SPATA13: variants seen among roughly 807,000 people sequenced by gnomAD.
The protein encoded by SPATA13 is spermatogenesis associated 13, also known as spermatogenesis-associated protein 13.
SPATA13 carries 50 observed loss-of-function variants against 104.0 expected under a neutral mutation model. That is an observed-to-expected ratio of 0.48 (90% CI 0.38 to 0.61). The LOEUF (loss-of-function observed/expected upper bound fraction) is 0.61. SPATA13 is among the 20% of genes least tolerant of loss of function. SPATA13 has a pLI of 0.00. For missense variants in SPATA13, 1,524 were observed against 1,690.6 expected, an observed-to-expected ratio of 0.90 and a Z score of 1.73; for synonymous variants, 606 against 667.5, an observed-to-expected ratio of 0.91 and a Z score of 1.42.
At chr13:24,024,014 G>A (rs531537060) in intron 3 of SPATA13, among the ~76,000 whole-genome samples, 2 of 152,340 alleles carry the variant, frequency 1.3e-5, no homozygotes, top group East Asian at 1.9e-4. Context: ...AGTCCATGAC[G>A]GTGGTGAATA....
chr13:24,057,284 C>A (rs539485150), intron 3 of SPATA13, among the ~76,000 whole-genome samples: 39 of 149,772 alleles, frequency 2.6e-4, no homozygotes, highest in African/African-American at 8.8e-4. Context: ...AATGGAACTT[C>A]TTAATCTCGG....
intron 3 of SPATA13, among the ~76,000 whole-genome samples, chr13:24,054,307 C>T (rs912981238): frequency 6.6e-6 from 1 of 152,206 alleles, no homozygotes; most frequent in Admixed American, 6.5e-5. Flanking sequence ...AATCCATCTG[C>T]AGCCATCTTA....
intron 3 of SPATA13, among the ~76,000 whole-genome samples, chr13:24,053,226 G>C (rs1334586971): frequency 6.6e-6 from 1 of 152,148 alleles, no homozygotes; most frequent in Non-Finnish European, 1.5e-5. Context: ...TCTTGCAGGA[G>C]GTAAGTTAGC....
chr13:24,232,807 C>T (rs1872354122), intron 2 of SPATA13, among the ~76,000 whole-genome samples: 2 of 152,200 alleles, frequency 1.3e-5, no homozygotes, highest in Admixed American at 1.3e-4. Context: ...CCTCGGCCTC[C>T]CGGAGTGCTG....
intron 3 of SPATA13, among the ~76,000 whole-genome samples, chr13:24,089,221 T>A (rs1204411798): frequency 6.6e-6 from 1 of 152,210 alleles, no homozygotes; most frequent in Non-Finnish European, 1.5e-5. Flanking sequence ...GATTTTTGAA[T>A]GCCCATGCCG....
intron 3 of SPATA13, among the ~76,000 whole-genome samples, chr13:24,115,283 G>A (rs1880796878): frequency 6.6e-6 from 1 of 152,202 alleles, no homozygotes; most frequent in African/African-American, 2.4e-5. Flanking sequence ...ATGACCAACT[G>A]CTGCATAACA....
exon 2 of SPATA13, chr13:23,983,752 C>T (rs1875017221): frequency 7.4e-6 from 2 of 268,860 alleles, no homozygotes; most frequent in African/African-American, 2.3e-5. Context: ...TTGTCAAGCT[C>T]TGACAAGGGA....
intron 1 of SPATA13, among the ~76,000 whole-genome samples, chr13:24,198,035 G>A (rs750557671): frequency 1.3e-5 from 2 of 151,918 alleles, no homozygotes; most frequent in African/African-American, 4.8e-5. Flanking sequence ...TAGTTCTGTC[G>A]CCCAGGCTGG....
rs922295605 is a variant in SPATA13 at position 24,134,184 on chromosome 13, GA to G, written c.-111-88633del. Among the ~76,000 whole-genome samples the G allele has an allele frequency of 2.2e-4, 33 of 152,320 alleles. No homozygotes were observed. The East Asian group carries it at 5.6e-3, about 26-fold the overall frequency. On this transcript the variant is annotated intron_variant, in intron 3 of 14. Coordinates refer to the SPATA13 transcript ENST00000424834. Reference sequence around the variant, plus strand: ...TCCTTGGCTGTGGGTTTGGGCCAATGAATTTCTCTCCCCAGCATGAGGACTT... The same window carrying G: ...TCCTTGGCTGTGGGTTTGGGCCAATGATTTCTCTCCCCAGCATGAGGACTT...
chr13:24,281,887 C>T (rs1326284758), intron 4 of SPATA13, among the ~76,000 whole-genome samples: 5 of 152,184 alleles, frequency 3.3e-5, no homozygotes, highest in Non-Finnish European at 5.9e-5. Flanking sequence ...TCAAGAGCTC[C>T]GTGCATCACC....
At chr13:24,122,483 A>G (rs1195671591) in intron 3 of SPATA13, 1 of 1,608,352 alleles carries the variant, frequency 6.2e-7, no homozygotes, top group East Asian at 2.2e-5. Context: ...ATCTCCAAAT[A>G]TTCTTGCCCA....
At chr13:24,234,442 G>GAACT (rs1872461741) in intron 2 of SPATA13, among the ~76,000 whole-genome samples, 1 of 151,974 alleles carries the variant, frequency 6.6e-6, no homozygotes, top group Admixed American at 6.6e-5. Flanking sequence ...TTCTCTTCTT[G>GAACT]AACTTCTCTA....
intron 2 of SPATA13, among the ~76,000 whole-genome samples, chr13:24,230,913 G>A (rs543360368): frequency 6.6e-6 from 1 of 152,286 alleles, no homozygotes; most frequent in African/African-American, 2.4e-5. Flanking sequence ...GGGACATTCC[G>A]TGGCTGGGGT....
chr13:24,117,443 G>A (rs1880882245), intron 3 of SPATA13, among the ~76,000 whole-genome samples: 1 of 152,114 alleles, frequency 6.6e-6, no homozygotes, highest in Admixed American at 6.5e-5. Context: ...TGCAGTTTGG[G>A]TTTACTGTTT....
chr13:23,999,735 G>A (rs146947466), intron 2 of SPATA13, among the ~76,000 whole-genome samples: 1 of 152,314 alleles, frequency 6.6e-6, no homozygotes, highest in African/African-American at 2.4e-5. Flanking sequence ...TTGAAAACTG[G>A]TGTTTCTTAT....
rs1023747517 is a variant in SPATA13, at chr13:24,000,474, G to A, written c.-147+16541G>A. Among the ~76,000 whole-genome samples, 15 of 152,166 alleles carry A rather than the reference G, an allele frequency of 9.9e-5. 1 individual carries two copies. Among genetic ancestry groups the A allele is most frequent in the African/African-American group, 2.9e-4 (12 of 41,438 alleles). On this transcript the variant is annotated intron_variant, in intron 2 of 14. Coordinates refer to the SPATA13 transcript ENST00000424834. Reference sequence around the variant, plus strand: ...ACCTTCCAGACACCACACAAGGAATGACTTTCAGGGCAGATAGAGCCCTTG... The same window carrying A: ...ACCTTCCAGACACCACACAAGGAATAACTTTCAGGGCAGATAGAGCCCTTG...
At chr13:24,085,454 G>A (rs1488244288) in intron 3 of SPATA13, among the ~76,000 whole-genome samples, 1 of 152,084 alleles carries the variant, frequency 6.6e-6, no homozygotes, top group Non-Finnish European at 1.5e-5. Flanking sequence ...AAGCAACATT[G>A]GCCAACTTAG....
At chr13:23,992,346 G>T (rs1350586008) in intron 2 of SPATA13, among the ~76,000 whole-genome samples, 3 of 152,182 alleles carry the variant, frequency 2.0e-5, no homozygotes, top group Admixed American at 6.5e-5. Context: ...ATAAAATAAG[G>T]CATGTATTAG....
chr13:24,002,571 T>C (rs1876029455), intron 2 of SPATA13, among the ~76,000 whole-genome samples: 1 of 151,966 alleles, frequency 6.6e-6, no homozygotes, highest in South Asian at 2.1e-4. Context: ...AGTGTGTTGG[T>C]CTTTGAGTCT....
Sources: allele counts gnomAD v4.1 joint callset (sites outside exome capture counted in the v4.1 genomes callset), GRCh38; gene constraint gnomAD v4.1.1; transcripts MANE v1.5; gene names NCBI Gene and HGNC (gene_info 2026-07-23, HGNC 2026-07-21).